Variants in LDLRAD3 observed in about 807,000 individuals in gnomAD.
LDLRAD3 encodes the protein low density lipoprotein receptor class A domain containing 3.
Under a neutral mutation model 29.4 loss-of-function variants are expected in LDLRAD3, and 20 were observed. The ratio of observed to expected loss-of-function variants is 0.68; its 90% CI spans 0.48 to 0.99. The LOEUF (loss-of-function observed/expected upper bound fraction) is 0.99, where lower values mean the gene tolerates loss of function less well. Ranked by LOEUF, LDLRAD3 falls within the 50% of genes least tolerant of loss-of-function variation. The pLI, the probability that LDLRAD3 is intolerant of heterozygous loss-of-function variation, is 0.00. For missense variants in LDLRAD3, 420 were observed against 454.3 expected (o/e 0.92, Z 0.69); for synonymous variants, 157 against 192.7 (o/e 0.81, Z 1.53).
intron 1 of LDLRAD3, among the ~76,000 whole-genome samples, chr11:36,032,353 A>T (rs1852245975): frequency 1.3e-5 from 2 of 152,196 alleles, no homozygotes; most frequent in Non-Finnish European, 2.9e-5. Context: ...AATATCTAGA[A>T]GCAGGCAGCA....
intron 4 of LDLRAD3, among the ~76,000 whole-genome samples, chr11:36,180,524 C>T (rs1265498399): frequency 6.6e-6 from 1 of 152,110 alleles, no homozygotes; most frequent in East Asian, 1.9e-4. Flanking sequence ...CTGGGGACAG[C>T]TGAAGACAGG....
chr11:36,144,990 G>GC (rs1416010539), intron 4 of LDLRAD3, among the ~76,000 whole-genome samples: 1 of 113,296 alleles, frequency 8.8e-6, no homozygotes, highest in African/African-American at 3.2e-5. Context: ...GGGGGGGTCA[G>GC]CCCCCCGCCC....
rs549214747 is a variant in LDLRAD3 at position 35,958,245 on chromosome 11, A to T, written c.46+14101A>T. Among the ~76,000 whole-genome samples the T allele has an allele frequency of 3.9e-5, 6 of 152,334 alleles. No individual in the cohort carries two copies. The South Asian group carries it at 1.2e-3, about 32-fold the overall frequency. The stretch of plus-strand genomic sequence containing the variant: ...ACCCAGCCTATTTCAGATGCTCAAT[A>T]GTCCCATGTGGCTGATGGGATTGGA... On this transcript the variant is annotated intron_variant, in intron 1 of 5. Coordinates refer to ENST00000315571, the MANE Select transcript of LDLRAD3 (RefSeq NM_174902.4).
chr11:36,210,809 C>T (rs67662396), intron 4 of LDLRAD3, among the ~76,000 whole-genome samples: 6,606 of 152,238 alleles, frequency 0.043, 465 homozygotes, highest in African/African-American at 0.14. Flanking sequence ...AAGATTGAGA[C>T]CAAGTTTGCC....
intron 4 of LDLRAD3, among the ~76,000 whole-genome samples, chr11:36,183,576 T>C (rs1854796956): frequency 1.3e-5 from 2 of 152,226 alleles, no homozygotes; most frequent in Non-Finnish European, 2.9e-5. Flanking sequence ...GTCACTACTC[T>C]AATACTTCTC....
Position 36,106,178 on chromosome 11 carries a change from A to G in LDLRAD3, c.454+7717A>G, listed in dbSNP as rs1853526606. Among the ~76,000 whole-genome samples the G allele has an allele frequency of 1.3e-5, 2 of 152,258 alleles. 1 individual carries two copies. Among genetic ancestry groups the G allele is most frequent in the East Asian group, 3.9e-4 (2 of 5,182 alleles). On this transcript the variant is annotated intron_variant, in intron 4 of 5. Coordinates refer to ENST00000315571, the MANE Select transcript of LDLRAD3 (RefSeq NM_174902.4). The stretch of plus-strand genomic sequence containing the variant: ...GTCTGCCTATGGTGTGGGACTTGGT[A>G]GAGCCATGCTTGGTTAGGAGGACAC...
intron 1 of LDLRAD3, among the ~76,000 whole-genome samples, chr11:36,010,676 C>T (rs1224554665): frequency 6.6e-6 from 1 of 152,180 alleles, no homozygotes; most frequent in South Asian, 2.1e-4. Context: ...GCTTTCATGC[C>T]TCCATTTAGC....
At chr11:35,976,227 G>A (rs759024696) in intron 1 of LDLRAD3, among the ~76,000 whole-genome samples, 15 of 152,276 alleles carry the variant, frequency 9.9e-5, no homozygotes, top group East Asian at 3.9e-4. Context: ...AATGAATGGC[G>A]TCATGGTAGA....
chr11:36,100,705 G>A (rs781506268), intron 4 of LDLRAD3, among the ~76,000 whole-genome samples: 25 of 152,176 alleles, frequency 1.6e-4, no homozygotes, highest in Non-Finnish European at 2.9e-4. Flanking sequence ...CCCAAGTGCC[G>A]GGATTTACAG....
At chr11:36,008,789 G>C (rs1046633347) in intron 1 of LDLRAD3, among the ~76,000 whole-genome samples, 1 of 152,160 alleles carries the variant, frequency 6.6e-6, no homozygotes, top group African/African-American at 2.4e-5. Context: ...ACAGGAAACT[G>C]TGCTGTTCAG....
intron 4 of LDLRAD3, among the ~76,000 whole-genome samples, chr11:36,127,736 C>T (rs1450231760): frequency 6.6e-6 from 1 of 152,150 alleles, no homozygotes; most frequent in Admixed American, 6.5e-5. Context: ...AAATCTGCTT[C>T]ATATCAGTTT....
At chr11:35,999,453 A>T (rs970997058) in intron 1 of LDLRAD3, among the ~76,000 whole-genome samples, 1 of 152,162 alleles carries the variant, frequency 6.6e-6, no homozygotes, top group African/African-American at 2.4e-5. Context: ...TGCAGCCACA[A>T]GCCTCTCCAG....
At chr11:36,019,071 C>A (rs1446073051) in intron 1 of LDLRAD3, among the ~76,000 whole-genome samples, 1 of 152,106 alleles carries the variant, frequency 6.6e-6, no homozygotes, top group East Asian at 1.9e-4. Flanking sequence ...CTTTGGTTTT[C>A]TGCTTTGTTT....
intron 1 of LDLRAD3, among the ~76,000 whole-genome samples, chr11:36,031,381 C>A (rs1486676934): frequency 2.6e-5 from 4 of 150,964 alleles, no homozygotes; most frequent in Non-Finnish European, 5.9e-5. Context: ...ATCCAGACAC[C>A]CCCATGTCCC....
intron 4 of LDLRAD3, chr11:36,198,015 C>CA (rs1395730897): frequency 6.6e-6 from 1 of 152,054 alleles, no homozygotes; most frequent in Non-Finnish European, 1.5e-5. Flanking sequence ...TGTACTGCTG[C>CA]ACCCCAGCCT....
In LDLRAD3 at chr11:36,163,894, T is replaced by C. The variant is rs1297120006; in HGVS notation, c.455-63191T>C. 3.9e-5 allele frequency among the ~76,000 whole-genome samples: 6 copies of C among 152,374 alleles called. No individual in the cohort carries two copies. The South Asian group carries it at 8.3e-4, about 21-fold the overall frequency. On this transcript the variant is annotated intron_variant, in intron 4 of 5. Coordinates refer to ENST00000315571, the MANE Select transcript of LDLRAD3 (RefSeq NM_174902.4). ...AAGTTCACTGGTTTAGAGCACTGAA[T>C]GAGCCACCTCAATTTTGCTCCCGTT...
intron 1 of LDLRAD3, among the ~76,000 whole-genome samples, chr11:35,990,296 T>C (rs1286221089): frequency 6.6e-6 from 1 of 152,186 alleles, no homozygotes; most frequent in Non-Finnish European, 1.5e-5. Flanking sequence ...AAGGTGTTTG[T>C]AGGGCTGGTT....
At chr11:36,215,221 A>C (rs1421915213) in intron 4 of LDLRAD3, among the ~76,000 whole-genome samples, 1 of 152,204 alleles carries the variant, frequency 6.6e-6, no homozygotes, top group Non-Finnish European at 1.5e-5. Flanking sequence ...GCAGCCAGGG[A>C]GGAGCAGGAG....
At chr11:36,223,323 G>A (rs1418459892) in intron 4 of LDLRAD3, among the ~76,000 whole-genome samples, 1 of 152,142 alleles carries the variant, frequency 6.6e-6, no homozygotes, top group East Asian at 1.9e-4. Flanking sequence ...ATTTTAAAGG[G>A]CTCCCACTTG....
Sources: gnomAD v4.1 joint callset for allele counts (sites outside exome capture counted in the v4.1 genomes callset) on GRCh38, gnomAD v4.1.1 for gene constraint, MANE v1.5 for transcripts, NCBI Gene and HGNC (gene_info 2026-07-23, HGNC 2026-07-21) for gene names.